DMD: variants seen among roughly 807,000 people sequenced by gnomAD.
The protein encoded by DMD is mutant dystrophin.
Under a neutral mutation model 330.1 loss-of-function variants are expected in DMD, and 63 were observed. The observed-to-expected ratio is 0.19, with a 90% confidence interval of 0.16 to 0.24. The LOEUF is 0.24. DMD is among the 10% of genes least tolerant of loss of function. The pLI is 1.00. For synonymous variants in DMD, 1,223 were observed against 959.8 expected (o/e 1.27, Z -5.07); for missense variants, 3,344 against 2,684.1 (o/e 1.25, Z -5.43).
At chrX:31,797,331 A>T in intron 50 of DMD, among the ~76,000 whole-genome samples, 1 of 110,681 alleles carries the variant, frequency 9.0e-6, no homozygotes, top group Non-Finnish European at 1.9e-5. Context: ...ACCAAACCAA[A>T]CCAGAGAATG....
chrX:32,552,578 T>C (rs2049698890), intron 16 of DMD, among the ~76,000 whole-genome samples: 1 of 111,748 alleles, frequency 8.9e-6, no homozygotes, highest in South Asian at 3.7e-4. Flanking sequence ...AACTGGGACC[T>C]AATTAAACTA....
chrX:32,541,759 T>G (rs192792966), intron 17 of DMD, among the ~76,000 whole-genome samples: 1 of 109,901 alleles, frequency 9.1e-6, no homozygotes, highest in Non-Finnish European at 1.9e-5. Flanking sequence ...AACACGCAAT[T>G]TACCCATGTA....
At chrX:32,556,153 G>C (rs1181654178) in intron 16 of DMD, among the ~76,000 whole-genome samples, 1 of 112,048 alleles carries the variant, frequency 8.9e-6, no homozygotes, top group African/African-American at 3.2e-5. Flanking sequence ...AGTGGGCAAA[G>C]CACATAAACA....
chrX:32,950,557 C>G (rs953958240), intron 2 of DMD, among the ~76,000 whole-genome samples: 3 of 111,070 alleles, frequency 2.7e-5, no homozygotes, highest in African/African-American at 9.8e-5. Context: ...AACACCATAG[C>G]AGAGAAGGCA....
At position 31,446,571 on chromosome X, in the gene DMD, G is replaced by A. The variant is rs981687666; in HGVS notation, c.8938-1944C>T. 2.7e-5 allele frequency among the ~76,000 whole-genome samples: 3 copies of A among 111,694 alleles called. No individual in the cohort carries two copies. The Admixed American group carries it at 2.9e-4, about 11-fold the overall frequency. Reference sequence around the variant, plus strand: ...TGTGAAATTCAGAAAGTTTTATAGGGGTGGATAGTAAATATTGTTCCATTT... The same window carrying A: ...TGTGAAATTCAGAAAGTTTTATAGGAGTGGATAGTAAATATTGTTCCATTT... On this transcript the variant is annotated intron_variant, in intron 59 of 78. Transcript: ENST00000357033.
intron 41 of DMD, among the ~76,000 whole-genome samples, chrX:32,315,205 C>T (rs2097578920): frequency 9.0e-6 from 1 of 111,596 alleles, no homozygotes. Flanking sequence ...CACTATGCAG[C>T]CATAAAAAAG....
intron 7 of DMD, among the ~76,000 whole-genome samples, chrX:32,801,495 T>C (rs1407633374): frequency 1.8e-5 from 2 of 112,128 alleles, no homozygotes; most frequent in Admixed American, 1.9e-4. Context: ...TTTCTTTTGC[T>C]GTGCAGGAGC....
chrX:31,259,057 A>G (rs1421560881), intron 63 of DMD, among the ~76,000 whole-genome samples: 1 of 111,738 alleles, frequency 8.9e-6, no homozygotes, highest in Non-Finnish European at 1.9e-5. Context: ...GCTAACTCTA[A>G]GAAGTGGGGT....
intron 9 of DMD, among the ~76,000 whole-genome samples, chrX:32,664,334 C>T (rs1300810298): frequency 1.9e-5 from 2 of 106,996 alleles, no homozygotes. Flanking sequence ...CTCCGCCTCC[C>T]GGGTTCACGC....
At position 31,421,526 on chromosome X, in the gene DMD, A is replaced by G. The variant is rs191574857; in HGVS notation, c.9084+22955T>C. ...ATGCATATTCCAGTGTGTACAGATA[A>G]AAAGATATTCAAGTACAACTAAACC... is the stretch of plus-strand genomic sequence containing the variant. On this transcript the variant is annotated intron_variant, in intron 60 of 78. Coordinates refer to ENST00000357033, the MANE Select transcript of DMD (RefSeq NM_004006.3). 2.9e-3 allele frequency among the ~76,000 whole-genome samples: 323 copies of G among 111,746 alleles called. 1 individual carries two copies. The highest frequency in any genetic ancestry group is 4.6e-3 in the Admixed American group (48 of 10,444).
intron 59 of DMD, among the ~76,000 whole-genome samples, chrX:31,456,363 C>T (rs2066158982): frequency 8.9e-6 from 1 of 111,943 alleles, no homozygotes; most frequent in African/African-American, 3.2e-5. Flanking sequence ...ATAAGTTCAT[C>T]CATGAGAGAG....
chrX:32,674,067 A>G (rs764459446), intron 9 of DMD, among the ~76,000 whole-genome samples: 18 of 112,308 alleles, frequency 1.6e-4, no homozygotes, highest in African/African-American at 4.5e-4. Flanking sequence ...TCAACTTCAG[A>G]TATCATGATG....
intron 44 of DMD, among the ~76,000 whole-genome samples, chrX:32,125,426 G>A (rs1194374284): frequency 9.0e-6 from 1 of 111,581 alleles, no homozygotes; most frequent in Admixed American, 9.5e-5. Flanking sequence ...GATGTGTATC[G>A]GGTTTGAAGG....
At chrX:32,582,431 G>C (rs1209171334) in intron 13 of DMD, among the ~76,000 whole-genome samples, 1 of 111,478 alleles carries the variant, frequency 9.0e-6, no homozygotes, top group Non-Finnish European at 1.9e-5. Context: ...ATAAATCTCA[G>C]AGAAAGTTTA....
At chrX:31,189,115 T>A (rs2042076327) in intron 67 of DMD, among the ~76,000 whole-genome samples, 1 of 111,588 alleles carries the variant, frequency 9.0e-6, no homozygotes, top group Admixed American at 9.5e-5. Context: ...CTCAAGGTAA[T>A]AAAATCAATT....
chrX:32,785,943 G>GT (rs1198676231), intron 7 of DMD, among the ~76,000 whole-genome samples: 1 of 110,293 alleles, frequency 9.1e-6, no homozygotes, highest in East Asian at 2.8e-4. Context: ...TTCTATACTA[G>GT]TTTTTTCCCC....
chrX:31,465,886 A>G lies in DMD; in HGVS notation c.8937+12220T>C, dbSNP rs975283839. On this transcript the variant is annotated intron_variant, in intron 59 of 78. Transcript: ENST00000357033. The stretch of plus-strand genomic sequence containing the variant: ...GCACCTGATGTTTCCTGACTTTTTA[A>G]TGATCGCCATTGTAACTGGTGTGTT... Among the ~76,000 whole-genome samples the G allele has an allele frequency of 6.3e-5, 7 of 111,792 alleles. No individual in the cohort carries two copies. In the East Asian group the frequency reaches 2.0e-3, roughly 31 times the overall value.
At chrX:32,815,947 G>A (rs1427368273) in intron 6 of DMD, among the ~76,000 whole-genome samples, 1 of 111,298 alleles carries the variant, frequency 9.0e-6, no homozygotes, top group Non-Finnish European at 1.9e-5. Flanking sequence ...TTATGACCCT[G>A]AACTAGAACA....
In DMD at chrX:32,162,810, C is replaced by T. The variant is rs746363164; in HGVS notation, c.6438+54106G>A. Among the ~76,000 whole-genome samples the T allele has an allele frequency of 4.6e-5, 5 of 107,723 alleles. No individual in the cohort carries two copies. The Admixed American group carries it at 5.0e-4, about 11-fold the overall frequency. The allele number at this position is 107,723 out of a possible 115,157, so 93.5% of individuals were successfully genotyped here. On this transcript the variant is annotated intron_variant, in intron 44 of 78. Transcript: ENST00000357033. ...GATCAGGCTGGTCTCAAACTCCTGA[C>T]CTCAAGTGTTCCACCCACCTCAGAC...
Sources: allele counts gnomAD v4.1 joint callset (sites outside exome capture counted in the v4.1 genomes callset), GRCh38; gene constraint gnomAD v4.1.1; transcripts MANE v1.5; gene names NCBI Gene and HGNC (gene_info 2026-07-23, HGNC 2026-07-21).